Variants in CRKL observed in about 807,000 individuals in gnomAD.
CRKL encodes CRK like proto-oncogene, adaptor protein.
A neutral mutation model predicts 23.0 loss-of-function variants in CRKL; 3 were observed. The ratio of observed to expected loss-of-function variants is 0.13; its 90% CI spans 0.06 to 0.34. The LOEUF is 0.34. CRKL is among the 10% of genes least tolerant of loss of function. The probability of loss-of-function intolerance (pLI) is 1.00; values close to 1 mark genes in which losing one functional copy is unlikely to be tolerated. For missense variants in CRKL, 256 were observed against 394.5 expected, an observed-to-expected ratio of 0.65 and a Z score of 2.97; for synonymous variants, 188 against 160.7, an observed-to-expected ratio of 1.17 and a Z score of -1.28.
rs367706179 is a variant in CRKL at position 20,949,110 on chromosome 22, C to CTG, written c.778-587_778-586dup. 8.2e-3 allele frequency among the ~76,000 whole-genome samples: 1,242 copies of CTG among 151,792 alleles called. 8 individuals carry two copies. Among genetic ancestry groups the CTG allele is most frequent in the Middle Eastern group, 0.014 (4 of 294 alleles). ...GCTGCTTTGTGCTCAAAAGCTGTTT[C>CTG]TGTGTGTGTGTGTGTTTTGATTTTT... is the stretch of plus-strand genomic sequence containing the variant. On this transcript the variant is annotated intron_variant, in intron 2 of 2. Coordinates refer to ENST00000354336, the MANE Select transcript of CRKL (RefSeq NM_005207.4).
chr22:20,945,883 A>G lies in CRKL; in HGVS notation c.778-3828A>G, dbSNP rs535402968. On this transcript the variant is annotated intron_variant, in intron 2 of 2. Coordinates refer to ENST00000354336, the MANE Select transcript of CRKL (RefSeq NM_005207.4). ...TTGAATGACTAGAGGAATAAAAGCC[A>G]CAGAGAGCAGGATGATACCTGTCTG... 1.2e-4 allele frequency among the ~76,000 whole-genome samples: 18 copies of G among 152,346 alleles called. No individual in the cohort carries two copies. In the South Asian group the frequency reaches 3.7e-3, roughly 32 times the overall value.
At chr22:20,932,296 G>C (rs1921484279) in intron 1 of CRKL, among the ~76,000 whole-genome samples, 1 of 152,042 alleles carries the variant, frequency 6.6e-6, no homozygotes, top group Non-Finnish European at 1.5e-5. Context: ...GTTTAGTAGA[G>C]ACAGGGTTTT....
intron 1 of CRKL, among the ~76,000 whole-genome samples, chr22:20,925,481 C>CTCCA (rs1921167264): frequency 6.6e-6 from 1 of 152,244 alleles, no homozygotes; most frequent in South Asian, 2.1e-4. Flanking sequence ...CGCCACTGCA[C>CTCCA]TCCAGTCTGG....
At chr22:20,939,535 C>T (rs182228434) in intron 2 of CRKL, among the ~76,000 whole-genome samples, 16 of 152,146 alleles carry the variant, frequency 1.1e-4, no homozygotes, top group Admixed American at 9.8e-4. Context: ...CGTGAGCCAC[C>T]GCGCCTGGCC....
chr22:20,922,502 A>G (rs1389929708), intron 1 of CRKL, among the ~76,000 whole-genome samples: 1 of 152,128 alleles, frequency 6.6e-6, no homozygotes, highest in African/African-American at 2.4e-5. Context: ...ACTAATAGTG[A>G]CAGTGGAGCT....
intron 1 of CRKL, among the ~76,000 whole-genome samples, chr22:20,923,295 G>C (rs529686403): frequency 2.8e-5 from 4 of 144,644 alleles, no homozygotes; most frequent in Admixed American, 6.9e-5. Context: ...TTTTTTTTTT[G>C]AGACGGAGTC....
intron 1 of CRKL, among the ~76,000 whole-genome samples, chr22:20,925,329 T>C (rs1921160104): frequency 1.3e-5 from 2 of 150,886 alleles, no homozygotes; most frequent in African/African-American, 4.9e-5. Flanking sequence ...TTTCTGAGGG[T>C]CTTTAAGATT....
chr22:20,941,377 A>G (rs1921861589), intron 2 of CRKL, among the ~76,000 whole-genome samples: 1 of 151,642 alleles, frequency 6.6e-6, no homozygotes, highest in Admixed American at 6.6e-5. Flanking sequence ...GTTGTCCTTC[A>G]CAGCATCTCA....
intron 1 of CRKL, among the ~76,000 whole-genome samples, chr22:20,918,463 T>G (rs1216581896): frequency 2.0e-5 from 3 of 151,746 alleles, no homozygotes; most frequent in Non-Finnish European, 2.9e-5. Flanking sequence ...AGGCTGTTTC[T>G]CAATGTGAAG....
At position 20,950,151 on chromosome 22, in the gene CRKL, G is replaced by A. The variant is rs1922213865; in HGVS notation, c.*306G>A. 8.4e-6 allele frequency: 3 copies of A among 357,102 alleles called. No individual in the cohort carries two copies. Among genetic ancestry groups the A allele is most frequent in the South Asian group, 4.6e-5 (1 of 21,622 alleles). The allele number at this position is 357,102 out of a possible 1,614,324, so 22.1% of individuals were successfully genotyped here. ...AGGGTCTTCCTTCTCATTGCTGCCC[G>A]TTTGTACATGGGACTGATTCTGTTG... On this transcript the variant is annotated 3_prime_UTR_variant, in exon 3 of 3. Coordinates refer to ENST00000354336, the MANE Select transcript of CRKL (RefSeq NM_005207.4).
At chr22:20,946,793 A>G (rs1314017104) in intron 2 of CRKL, among the ~76,000 whole-genome samples, 1 of 151,988 alleles carries the variant, frequency 6.6e-6, no homozygotes. Context: ...TGTACCATGA[A>G]CCCAGAGGAA....
chr22:20,925,015 C>G (rs1404685538), intron 1 of CRKL, among the ~76,000 whole-genome samples: 1 of 151,776 alleles, frequency 6.6e-6, no homozygotes, highest in African/African-American at 2.4e-5. Context: ...TAGTGAAACC[C>G]CGTCTCTACT....
chr22:20,918,590 C>A (rs1279126718), intron 1 of CRKL, among the ~76,000 whole-genome samples: 1 of 126,080 alleles, frequency 7.9e-6, no homozygotes, highest in African/African-American at 2.9e-5. Flanking sequence ...TTCTAAAAAC[C>A]TCTTTTTTTT....
At chr22:20,920,506 A>T (rs148317369) in intron 1 of CRKL, among the ~76,000 whole-genome samples, 104 of 152,182 alleles carry the variant, frequency 6.8e-4, no homozygotes, top group African/African-American at 2.5e-3. Flanking sequence ...CTCAAAAAAA[A>T]AAAAGGAAAA....
intron 1 of CRKL, among the ~76,000 whole-genome samples, chr22:20,920,395 G>C (rs539581449): frequency 1.9e-4 from 29 of 152,050 alleles, no homozygotes; most frequent in Non-Finnish European, 3.7e-4. Flanking sequence ...CCAGCTACTC[G>C]GGAGGCTGAG....
chr22:20,936,610 C>G (rs1921668693), intron 2 of CRKL, among the ~76,000 whole-genome samples: 1 of 152,156 alleles, frequency 6.6e-6, no homozygotes. Flanking sequence ...CTCGGCCTCC[C>G]AAAGTGCTGG....
chr22:20,927,111 C>CAAAAAAAAAAAAAAAAAAAAAAAAAAAAA (rs371278201), intron 1 of CRKL, among the ~76,000 whole-genome samples: 1 of 48,524 alleles, frequency 2.1e-5, no homozygotes, highest in African/African-American at 1.1e-4. Context: ...GACTCCGTCT[C>CAAAAAAAAAAAAAAAAAAAAAAAAAAAAA]AAAAAAAAAA....
intron 2 of CRKL, among the ~76,000 whole-genome samples, chr22:20,937,513 T>A (rs1921708887): frequency 6.7e-6 from 1 of 149,146 alleles, no homozygotes; most frequent in Admixed American, 6.8e-5. Context: ...TAGGAGGTTG[T>A]AGGGAGGAAT....
rs140564477 is a variant in CRKL at position 20,948,302 on chromosome 22, G to A, written c.778-1409G>A. On this transcript the variant is annotated intron_variant, in intron 2 of 2. Transcript: ENST00000354336. ...AGTCATTTATTAGACCCCGTTTTCA[G>A]CCTGTTCCTCATTGGTTTTGAGAGG... 2.4e-3 allele frequency among the ~76,000 whole-genome samples: 362 copies of A among 152,184 alleles called. 3 individuals carry two copies. The highest frequency in any genetic ancestry group is 8.5e-3 in the African/African-American group (351 of 41,528).
Sources: allele counts gnomAD v4.1 joint callset (sites outside exome capture counted in the v4.1 genomes callset), GRCh38; gene constraint gnomAD v4.1.1; transcripts MANE v1.5; gene names NCBI Gene and HGNC (gene_info 2026-07-23, HGNC 2026-07-21).